TEX26: variants seen among roughly 807,000 people sequenced by gnomAD.
The protein encoded by TEX26 is testis expressed 26, also known as testis-expressed protein 26.
Under a neutral mutation model 35.3 loss-of-function variants are expected in TEX26, and 34 were observed. The ratio of observed to expected loss-of-function variants is 0.96; its 90% CI spans 0.73 to 1.28. TEX26 has a LOEUF of 1.28. Ranked by LOEUF, TEX26 falls within the 50% of genes most tolerant of loss-of-function variation. TEX26 has a pLI of 0.00. For synonymous variants in TEX26, 136 were observed against 111.8 expected (o/e 1.22, Z -1.36); for missense variants, 371 against 330.1 (o/e 1.12, Z -0.96).
rs116684293 is a variant in TEX26, at chr13:30,942,434, C to G, written c.146+2656C>G. On this transcript the variant is annotated intron_variant, in intron 2 of 6. Coordinates refer to ENST00000380473, the MANE Select transcript of TEX26 (RefSeq NM_152325.3). ...GGATGTTAGTCCTTTGTTAGCTTCA[C>G]AGTTTGCAAATATTTTTCTCCTATT... 4.1e-3 allele frequency among the ~76,000 whole-genome samples: 627 copies of G among 152,032 alleles called. 6 individuals are homozygous for G. The highest frequency in any genetic ancestry group is 0.015 in the African/African-American group (610 of 41,498).
chr13:30,946,060 T>C (rs1478238842), intron 2 of TEX26, among the ~76,000 whole-genome samples: 1 of 151,978 alleles, frequency 6.6e-6, no homozygotes, highest in Admixed American at 6.6e-5. Flanking sequence ...TCCAAACTTT[T>C]TACTTACTCT....
intron 3 of TEX26, among the ~76,000 whole-genome samples, chr13:30,954,291 C>T (rs1954043293): frequency 6.9e-6 from 1 of 145,822 alleles, no homozygotes; most frequent in African/African-American, 2.6e-5. Flanking sequence ...CACACACACA[C>T]ACACACACAC....
intron 1 of TEX26, among the ~76,000 whole-genome samples, chr13:30,936,569 C>T (rs114832187): frequency 1.3e-5 from 2 of 152,194 alleles, no homozygotes; most frequent in Non-Finnish European, 2.9e-5. Flanking sequence ...GAATTGCACC[C>T]TCTTCATGTT....
At chr13:30,954,926 T>C (rs1954070669) in intron 3 of TEX26, among the ~76,000 whole-genome samples, 1 of 152,232 alleles carries the variant, frequency 6.6e-6, no homozygotes, top group Admixed American at 6.5e-5. Flanking sequence ...TGGCTGACTG[T>C]CCTGCGTGTT....
intron 2 of TEX26, among the ~76,000 whole-genome samples, chr13:30,942,235 T>C (rs918110185): frequency 6.6e-6 from 1 of 152,218 alleles, no homozygotes; most frequent in Non-Finnish European, 1.5e-5. Flanking sequence ...TGGGGTGGTA[T>C]CTCATTGCAG....
chr13:30,958,968 T>G (rs1016159661), intron 4 of TEX26, among the ~76,000 whole-genome samples: 5 of 152,104 alleles, frequency 3.3e-5, no homozygotes, highest in Non-Finnish European at 5.9e-5. Flanking sequence ...TTACCGCCAA[T>G]CAAAGAGGGG....
chr13:30,946,393 A>G (rs1216974741), intron 2 of TEX26, among the ~76,000 whole-genome samples: 1 of 151,880 alleles, frequency 6.6e-6, no homozygotes, highest in Non-Finnish European at 1.5e-5. Flanking sequence ...TTCTTCCGGT[A>G]TCTCTCTGAG....
chr13:30,970,008 C>T (rs1954662137), intron 6 of TEX26, among the ~76,000 whole-genome samples: 1 of 152,056 alleles, frequency 6.6e-6, no homozygotes, highest in African/African-American at 2.4e-5. Context: ...CTCTCTGTCT[C>T]TTGTCTGACT....
chr13:30,973,048 G>A (rs1362910482), intron 6 of TEX26, among the ~76,000 whole-genome samples: 4 of 152,192 alleles, frequency 2.6e-5, no homozygotes, highest in Non-Finnish European at 4.4e-5. Context: ...CTGAGAGAAA[G>A]AAAACCATAT....
chr13:30,965,861 TA>T (rs1012230776), intron 4 of TEX26, among the ~76,000 whole-genome samples: 4 of 152,078 alleles, frequency 2.6e-5, no homozygotes, highest in Non-Finnish European at 5.9e-5. Flanking sequence ...GTATTTACAC[TA>T]AAAAAGTCAT....
Position 30,969,058 on chromosome 13 carries a change from T to A in TEX26, c.808+12T>A. 6.2e-7 allele frequency: 1 copy of A among 1,608,122 alleles called. No homozygotes were observed. ...TCTTTCCTACAAAGGTAAGATGAGG[T>A]CTTATTTCACACACTTACAGATCAC... On this transcript the variant is annotated intron_variant, in intron 6 of 6. Transcript: ENST00000380473.
At chr13:30,960,157 C>G (rs1408433345) in intron 4 of TEX26, among the ~76,000 whole-genome samples, 1 of 152,176 alleles carries the variant, frequency 6.6e-6, no homozygotes, top group African/African-American at 2.4e-5. Context: ...TTGGATCGAG[C>G]CTTAAATTAT....
chr13:30,952,588 A>G, intron 2 of TEX26, 72 bp from the exon 3 acceptor site: 4 of 1,268,250 alleles, frequency 3.2e-6, no homozygotes, highest in Non-Finnish European at 4.3e-6. Context: ...GAGTAAAATG[A>G]TTTGACATGT....
chr13:30,957,085 C>A, intron 4 of TEX26, 56 bp downstream of exon 4: 1 of 1,542,166 alleles, frequency 6.5e-7, no homozygotes, highest in Non-Finnish European at 8.9e-7. Flanking sequence ...CCTGGAGTTG[C>A]AGTGGTCGGC....
rs767032519 is a variant in TEX26, at chr13:30,952,739, T to A, written c.226T>A (p.Tyr76Asn). Residue 76 changes from tyrosine (Y) to asparagine (N), a missense_variant, in exon 3 of 7, where the codon TAC (tyrosine) becomes AAC (asparagine). Physicochemically the swap from Tyr to Asn is moderately radical, Grantham distance 143. Transcript: ENST00000380473. ...CAATCAGACACAATATAGTGATGAG[T>A]ACACTTGGAAATCACACTCTAAAGA... is the stretch of plus-strand genomic sequence containing the variant. ...ILNQTQYSDE[Y>N]TWKSHSKEDL... 24 of 1,612,794 alleles carry A rather than the reference T, an allele frequency of 1.5e-5. No homozygotes were observed. The highest frequency in any genetic ancestry group is 2.0e-5 in the Non-Finnish European group (23 of 1,179,310).
In TEX26 at chr13:30,968,922, G is replaced by A. The variant is rs749371586; in HGVS notation, c.684G>A (p.Glu228=). 2.5e-6 allele frequency: 4 copies of A among 1,613,944 alleles called. No individual in the cohort carries two copies. In the East Asian group the frequency reaches 8.9e-5, roughly 36 times the overall value. The change falls in exon 6 of 7, where the codon GAG becomes GAA. Residue 228 remains glutamate, a synonymous_variant. Coordinates refer to ENST00000380473, the MANE Select transcript of TEX26 (RefSeq NM_152325.3). The part of the protein sequence containing the change: ...SVLHSYLRNQ[E]HTKKQTTYQS... ...TGCACAGCTACCTGAGGAACCAAGA[G>A]CACACAAAGAAACAGACCACATACC...
intron 5 of TEX26, among the ~76,000 whole-genome samples, chr13:30,967,176 C>G (rs1210694350): frequency 2.0e-5 from 3 of 152,298 alleles, no homozygotes; most frequent in African/African-American, 7.2e-5. Flanking sequence ...ACTAGTTAAA[C>G]AGAAAACTTG....
intron 5 of TEX26, among the ~76,000 whole-genome samples, chr13:30,968,467 G>T (rs1954613044): frequency 6.6e-6 from 1 of 152,222 alleles, no homozygotes; most frequent in Non-Finnish European, 1.5e-5. Context: ...AGACAACTTT[G>T]CAGGACTACT....
In TEX26 at chr13:30,974,997, T is replaced by C. The variant is rs1469095270; in HGVS notation, c.*90T>C. 13 of 891,826 alleles carry C rather than the reference T, an allele frequency of 1.5e-5. No individual in the cohort carries two copies. Among genetic ancestry groups the C allele is most frequent in the Middle Eastern group, 2.3e-4 (1 of 4,438 alleles). 55.2% of individuals were successfully genotyped at this position (891,826 alleles called of 1,614,324 possible). A position where few individuals can be genotyped will look rare whatever the true frequency, so the allele number is the denominator to read the frequency against. Reference sequence around the variant, plus strand: ...CATTTTCTCAATTATCAAGGAAAAATAAGATGCAAATAGCTTCAAGTATGA... The same window carrying C: ...CATTTTCTCAATTATCAAGGAAAAACAAGATGCAAATAGCTTCAAGTATGA... On this transcript the variant is annotated 3_prime_UTR_variant, in exon 7 of 7. Coordinates refer to ENST00000380473, the MANE Select transcript of TEX26 (RefSeq NM_152325.3).
Sources: allele counts gnomAD v4.1 joint callset (sites outside exome capture counted in the v4.1 genomes callset), GRCh38; gene constraint gnomAD v4.1.1; transcripts MANE v1.5; gene names NCBI Gene and HGNC (gene_info 2026-07-23, HGNC 2026-07-21).